The following CFAP70 variants were observed in gnomAD, a reference collection of about 807,000 sequenced individuals.
The protein encoded by CFAP70 is cilia- and flagella-associated protein 70.
In CFAP70, 81 loss-of-function variants were observed where a neutral mutation model predicts 137.6. That is an observed-to-expected ratio of 0.59 (90% CI 0.49 to 0.71). The LOEUF (loss-of-function observed/expected upper bound fraction) is 0.71. Among genes scored for constraint, CFAP70 ranks in the 30% least tolerant of loss-of-function variants. The pLI is 0.00. For missense variants in CFAP70, 976 were observed against 1,226.7 expected, an observed-to-expected ratio of 0.80 and a Z score of 3.05; for synonymous variants, 382 against 423.6, an observed-to-expected ratio of 0.90 and a Z score of 1.20.
chr10:73,327,016 C>T (rs2051514272), intron 8 of CFAP70, among the ~76,000 whole-genome samples: 1 of 151,670 alleles, frequency 6.6e-6, no homozygotes, highest in Non-Finnish European at 1.5e-5. Flanking sequence ...ATACCAAAGC[C>T]TGGCAGAGAC....
chr10:73,253,999 A>C (rs1301509191), exon 27 of CFAP70: 4 of 1,606,444 alleles, frequency 2.5e-6, no homozygotes, highest in South Asian at 1.1e-5. Context: ...TTCCAAAGCC[A>C]ACTGTTTCCT....
At chr10:73,282,274 C>T (rs2047313981) in intron 19 of CFAP70, among the ~76,000 whole-genome samples, 1 of 152,134 alleles carries the variant, frequency 6.6e-6, no homozygotes, top group African/African-American at 2.4e-5. Context: ...ATCCCCCTCA[C>T]ACATATCCAA....
chr10:73,340,545 C>T (rs1482490372), intron 6 of CFAP70, among the ~76,000 whole-genome samples: 1 of 152,150 alleles, frequency 6.6e-6, no homozygotes, highest in East Asian at 1.9e-4. Flanking sequence ...CCCTTTTTGC[C>T]CAGGAGCCTG....
At chr10:73,294,615 T>C (rs1420177884) in intron 15 of CFAP70, 1 of 152,236 alleles carries the variant, frequency 6.6e-6, no homozygotes, top group African/African-American at 2.4e-5. Context: ...ATCTATGTAT[T>C]TGTCTTTGCT....
intron 7 of CFAP70, 96 bp downstream of exon 8, chr10:73,335,334 C>A (rs778808817): frequency 2.5e-5 from 18 of 729,862 alleles, no homozygotes; most frequent in Non-Finnish European, 3.8e-5. Context: ...TCTAAAATCA[C>A]CTTAACTCAA....
rs1227151136 is a variant in CFAP70, at chr10:73,354,726, A to C, written c.63+8T>G. The C allele has an allele frequency of 1.2e-6, 2 of 1,613,624 alleles. No homozygotes were observed. Among genetic ancestry groups the C allele is most frequent in the Non-Finnish European group, 1.7e-6 (2 of 1,179,678 alleles). ...AGGATTTTTGTAAATTTCCAAAAGTAACTTTACCAAATCATATCCCTCTGT... is the reference window on the plus strand; with the variant it reads ...AGGATTTTTGTAAATTTCCAAAAGTCACTTTACCAAATCATATCCCTCTGT... On this transcript the variant is annotated splice_region_variant and intron_variant, in intron 2 of 26. Transcript: ENST00000310715.
chr10:73,333,553 T>C (rs1589525301), intron 7 of CFAP70, among the ~76,000 whole-genome samples: 2 of 152,020 alleles, frequency 1.3e-5, no homozygotes, highest in East Asian at 1.9e-4. Context: ...TAGAAATACA[T>C]TGGACTTCTC....
At chr10:73,292,036 G>T (rs868748263) in intron 16 of CFAP70, 22 bp from the exon 18 acceptor site, 1 of 1,612,906 alleles carries the variant, frequency 6.2e-7, no homozygotes, top group Middle Eastern at 1.7e-4. Flanking sequence ...GAGAGCCAAG[G>T]TTATTGTGAT....
At chr10:73,348,349 A>G in intron 4 of CFAP70, 74 bp downstream of exon 4, 1 of 1,532,678 alleles carries the variant, frequency 6.5e-7, no homozygotes, top group East Asian at 2.2e-5. Context: ...CATTGAGGCT[A>G]ATTTCTATAT....
At chr10:73,288,030 T>C (rs1286018221) in intron 19 of CFAP70, among the ~76,000 whole-genome samples, 1 of 152,148 alleles carries the variant, frequency 6.6e-6, no homozygotes, top group Non-Finnish European at 1.5e-5. Context: ...CCTGAGCTGC[T>C]GGGACTACAG....
exon 25 of CFAP70, chr10:73,269,614 T>C: frequency 6.2e-7 from 1 of 1,610,782 alleles, no homozygotes; most frequent in Admixed American, 1.7e-5. Flanking sequence ...AAACACTCAC[T>C]TTCAGGCAGA....
At chr10:73,312,697 G>A in intron 9 of CFAP70, 54 bp from the exon 11 acceptor site, 1 of 1,403,844 alleles carries the variant, frequency 7.1e-7, no homozygotes, top group Non-Finnish European at 9.5e-7. Context: ...AAACTTGAAA[G>A]AAATACACAT....
In CFAP70 at chr10:73,275,737, A is replaced by C. The variant is rs2046676376; in HGVS notation, c.2521-139T>G. On this transcript the variant is annotated intron_variant, in intron 21 of 26. Transcript: ENST00000310715. The surrounding 1 kb of genome is among the most constrained non-coding windows in gnomAD (Gnocchi z 4.0). Reference sequence around the variant, plus strand: ...AATTATCCTCAACTTCAAAAGGTAAAGGGTGAATTACAAACATTCTGCACT... The same window carrying C: ...AATTATCCTCAACTTCAAAAGGTAACGGGTGAATTACAAACATTCTGCACT... The C allele has an allele frequency of 2.6e-6, 2 of 765,828 alleles. No homozygotes were observed. The highest frequency in any genetic ancestry group is 6.3e-5 in the East Asian group (2 of 31,626). The allele number at this position is 765,828 out of a possible 1,614,324, so 47.4% of individuals were successfully genotyped here. A position where few individuals can be genotyped will look rare whatever the true frequency, so the allele number is the denominator to read the frequency against.
In CFAP70 at chr10:73,299,807, G is replaced by T. The variant is rs12257098; in HGVS notation, c.1257-142C>A. 3.2e-5 allele frequency: 18 copies of T among 569,122 alleles called. No homozygotes were observed. In the Admixed American group the frequency reaches 5.1e-4, roughly 16 times the overall value. 35.3% of individuals were successfully genotyped at this position (569,122 alleles called of 1,614,324 possible). A position where few individuals can be genotyped will look rare whatever the true frequency, so the allele number is the denominator to read the frequency against. ...CCCCACTGCACTTGAGCACTGTGCTGTTCTCTCATGTAAAACCCTAGATGT... is the reference window on the plus strand; with the variant it reads ...CCCCACTGCACTTGAGCACTGTGCTTTTCTCTCATGTAAAACCCTAGATGT... On this transcript the variant is annotated intron_variant, in intron 12 of 26. Transcript: ENST00000310715.
intron 8 of CFAP70, among the ~76,000 whole-genome samples, chr10:73,326,573 A>T (rs1187077624): frequency 2.0e-5 from 3 of 150,658 alleles, no homozygotes; most frequent in Non-Finnish European, 4.4e-5. Context: ...GGATCAACAA[A>T]ATTGATAGAC....
At chr10:73,254,337 T>C (rs930817869) in intron 26 of CFAP70, 13 of 226,396 alleles carry the variant, frequency 5.7e-5, no homozygotes, top group Admixed American at 3.4e-4. Context: ...TTTACTTTTT[T>C]TATTTTTAAA....
intron 8 of CFAP70, among the ~76,000 whole-genome samples, chr10:73,329,472 C>G (rs1354979625): frequency 6.6e-6 from 1 of 151,742 alleles, no homozygotes; most frequent in Non-Finnish European, 1.5e-5. Context: ...TACATGTACC[C>G]TAAAACTTAA....
chr10:73,329,313 G>C (rs1589509067), intron 8 of CFAP70, among the ~76,000 whole-genome samples: 1 of 152,114 alleles, frequency 6.6e-6, no homozygotes, highest in Admixed American at 6.5e-5. Context: ...ACACAGGAAG[G>C]GGAACATCAC....
chr10:73,273,071 TTGC>T, intron 23 of CFAP70, 54 bp from the exon 25 acceptor site: 1 of 1,329,900 alleles, frequency 7.5e-7, no homozygotes, highest in Non-Finnish European at 1.1e-6. Flanking sequence ...AAACCCCATA[TTGC>T]TGGGATGATC....
Sources: gnomAD v4.1 joint callset for allele counts (sites outside exome capture counted in the v4.1 genomes callset) on GRCh38, gnomAD v4.1.1 for gene constraint, Gnocchi (gnomAD v3.1) non-coding constraint, MANE v1.5 for transcripts, NCBI Gene and HGNC (gene_info 2026-07-23, HGNC 2026-07-21) for gene names.